The following CNTN4 variants were observed in gnomAD, a reference collection of about 807,000 sequenced individuals.
CNTN4 encodes the protein contactin-4.
Under a neutral mutation model 122.5 loss-of-function variants are expected in CNTN4, and 77 were observed. That is an observed-to-expected ratio of 0.63 (90% confidence interval 0.52 to 0.76). The LOEUF is 0.76. Ranked by LOEUF, CNTN4 falls within the 30% of genes least tolerant of loss-of-function variation. The probability of loss-of-function intolerance (pLI) is 0.00; values close to 1 mark genes in which losing one functional copy is unlikely to be tolerated. For synonymous variants in CNTN4, 512 were observed against 447.0 expected, an observed-to-expected ratio of 1.15 and a Z score of -1.83; for missense variants, 1,256 against 1,259.1, an observed-to-expected ratio of 1.00 and a Z score of 0.04.
intron 3 of CNTN4, among the ~76,000 whole-genome samples, chr3:2,459,816 G>A (rs1434997954): frequency 6.6e-6 from 1 of 152,142 alleles, no homozygotes; most frequent in African/African-American, 2.4e-5. Flanking sequence ...GATATAAGAG[G>A]ATGATCTGAT....
chr3:2,425,959 G>A lies in CNTN4; in HGVS notation c.-89+86726G>A, dbSNP rs557551999. On this transcript the variant is annotated intron_variant, in intron 3 of 24. Transcript: ENST00000418658. ...CTGAAGTTGCTTATCAGCTTAGGGA[G>A]ATTTTGGGCTGAGACAATGGGATTT... Among the ~76,000 whole-genome samples, 132 of 152,280 alleles carry A rather than the reference G, an allele frequency of 8.7e-4. 1 individual carries two copies. Among genetic ancestry groups the A allele is most frequent in the African/African-American group, 3.1e-3 (129 of 41,560 alleles).
intron 12 of CNTN4, among the ~76,000 whole-genome samples, chr3:2,920,177 C>G (rs1052031250): frequency 2.0e-5 from 3 of 151,442 alleles, no homozygotes; most frequent in Non-Finnish European, 2.9e-5. Flanking sequence ...AGGTCACATA[C>G]TGTATGATTA....
intron 3 of CNTN4, among the ~76,000 whole-genome samples, chr3:2,412,770 C>T (rs1193238587): frequency 2.0e-5 from 3 of 151,730 alleles, no homozygotes; most frequent in African/African-American, 4.8e-5. Flanking sequence ...AAGGTAGAAT[C>T]GTATAGTAGT....
intron 7 of CNTN4, among the ~76,000 whole-genome samples, chr3:2,824,684 T>C (rs2092950058): frequency 1.3e-5 from 2 of 152,130 alleles, no homozygotes; most frequent in African/African-American, 4.8e-5. Flanking sequence ...TTTTTTGAAA[T>C]GGAGTCTCAC....
intron 13 of CNTN4, 96 bp downstream of exon 13, chr3:2,925,875 C>A: frequency 1.9e-6 from 2 of 1,056,344 alleles, no homozygotes; most frequent in Non-Finnish European, 2.9e-6. Context: ...TGACTATCTG[C>A]TGTTCCTGAA....
At chr3:2,406,829 G>A (rs1246769182) in intron 3 of CNTN4, among the ~76,000 whole-genome samples, 2 of 152,092 alleles carry the variant, frequency 1.3e-5, no homozygotes, top group African/African-American at 4.8e-5. Flanking sequence ...TTAAAACTGT[G>A]GAGGAATGCA....
At chr3:2,113,036 T>C (rs1290568590) in intron 2 of CNTN4, among the ~76,000 whole-genome samples, 5 of 152,146 alleles carry the variant, frequency 3.3e-5, no homozygotes, top group Non-Finnish European at 5.9e-5. Context: ...ATACTTTCAA[T>C]GGAAAGGATG....
intron 9 of CNTN4, among the ~76,000 whole-genome samples, chr3:2,886,169 G>C (rs2093974432): frequency 6.6e-6 from 1 of 152,044 alleles, no homozygotes; most frequent in Non-Finnish European, 1.5e-5. Context: ...AAATGCACAT[G>C]AACATTTTTA....
intron 2 of CNTN4, among the ~76,000 whole-genome samples, chr3:2,214,009 A>G (rs2038729663): frequency 6.6e-6 from 1 of 152,120 alleles, no homozygotes; most frequent in African/African-American, 2.4e-5. Flanking sequence ...CATGTCATCT[A>G]GTGGAGTATT....
intron 3 of CNTN4, among the ~76,000 whole-genome samples, chr3:2,406,631 T>G (rs2047047900): frequency 6.6e-6 from 1 of 152,190 alleles, no homozygotes; most frequent in South Asian, 2.1e-4. Flanking sequence ...TTTTTAAGTC[T>G]GGCTCTCTCA....
At chr3:2,425,282 A>T (rs1352868931) in intron 3 of CNTN4, among the ~76,000 whole-genome samples, 5 of 151,794 alleles carry the variant, frequency 3.3e-5, no homozygotes, top group South Asian at 2.1e-4. Context: ...TTCAGCTTTC[A>T]ACATATGGCT....
In CNTN4 at chr3:2,965,715, C is replaced by G. The variant is rs116664324; in HGVS notation, c.1359-22630C>G. The stretch of plus-strand genomic sequence containing the variant: ...TTATCCTGGGATAAAGTCTTTGCTT[C>G]CTATGTGACTGGCAAGGGTCTTTGT... On this transcript the variant is annotated intron_variant, in intron 13 of 24. Transcript: ENST00000418658. 1.3e-3 allele frequency among the ~76,000 whole-genome samples: 196 copies of G among 152,248 alleles called. 2 individuals are homozygous for G. The highest frequency in any genetic ancestry group is 4.3e-3 in the African/African-American group (178 of 41,544).
chr3:2,778,315 C>A (rs981519855), intron 6 of CNTN4, among the ~76,000 whole-genome samples: 5 of 152,084 alleles, frequency 3.3e-5, no homozygotes, highest in African/African-American at 1.2e-4. Context: ...TAAGAGAAAA[C>A]CATGATACAA....
chr3:2,698,804 G>T (rs1052864113), intron 4 of CNTN4, among the ~76,000 whole-genome samples: 2 of 152,270 alleles, frequency 1.3e-5, no homozygotes, highest in East Asian at 3.9e-4. Flanking sequence ...GATCACCTGA[G>T]GTCAGGAGTT....
chr3:2,161,424 G>A (rs1439105948), intron 2 of CNTN4, among the ~76,000 whole-genome samples: 1 of 152,048 alleles, frequency 6.6e-6, no homozygotes, highest in South Asian at 2.1e-4. Flanking sequence ...CTTGGGGTCG[G>A]GGTGGCTTGT....
chr3:2,573,510 G>A (rs2079521943), intron 4 of CNTN4, among the ~76,000 whole-genome samples: 1 of 152,038 alleles, frequency 6.6e-6, no homozygotes, highest in Admixed American at 6.6e-5. Flanking sequence ...TAATGACTCT[G>A]GTATAAACGT....
intron 2 of CNTN4, among the ~76,000 whole-genome samples, chr3:2,195,686 C>T (rs144872770): frequency 1.3e-5 from 2 of 152,270 alleles, no homozygotes; most frequent in East Asian, 1.9e-4. Context: ...TATCGGTAAG[C>T]CCACCACTGA....
chr3:2,350,619 C>G (rs1456275162), intron 3 of CNTN4, among the ~76,000 whole-genome samples: 1 of 152,066 alleles, frequency 6.6e-6, no homozygotes, highest in African/African-American at 2.4e-5. Flanking sequence ...CTAGGCACTT[C>G]TAAAGCTGTT....
chr3:2,939,943 G>A (rs1577342757), intron 13 of CNTN4, among the ~76,000 whole-genome samples: 1 of 152,174 alleles, frequency 6.6e-6, no homozygotes, highest in African/African-American at 2.4e-5. Context: ...TTACACCATG[G>A]AAATAGGCCC....
Sources: allele counts gnomAD v4.1 joint callset (sites outside exome capture counted in the v4.1 genomes callset), GRCh38; gene constraint gnomAD v4.1.1; transcripts MANE v1.5; gene names NCBI Gene and HGNC (gene_info 2026-07-23, HGNC 2026-07-21).